The following CACNA2D3 variants were observed in gnomAD, a reference collection of about 807,000 sequenced individuals.
CACNA2D3 encodes voltage-dependent calcium channel subunit alpha-2/delta-3.
In CACNA2D3, 60 loss-of-function variants were observed where a neutral mutation model predicts 160.6. The observed-to-expected ratio is 0.37, with a 90% confidence interval of 0.30 to 0.46. The LOEUF (loss-of-function observed/expected upper bound fraction) is 0.46, where lower values mean the gene tolerates loss of function less well. Ranked by LOEUF, CACNA2D3 falls within the 20% of genes least tolerant of loss-of-function variation. The probability of loss-of-function intolerance (pLI) is 1.00; values close to 1 mark genes in which losing one functional copy is unlikely to be tolerated. For synonymous variants in CACNA2D3, 558 were observed against 492.9 expected (o/e 1.13, Z -1.75); for missense variants, 1,205 against 1,365.0 (o/e 0.88, Z 1.85).
intron 32 of CACNA2D3, among the ~76,000 whole-genome samples, chr3:55,007,284 A>G (rs1703118393): frequency 1.3e-5 from 2 of 152,222 alleles, no homozygotes; most frequent in African/African-American, 2.4e-5. Context: ...TGTAAGTGTG[A>G]GAAAAGACAG....
chr3:54,604,836 C>T (rs1452027248), intron 9 of CACNA2D3, among the ~76,000 whole-genome samples: 3 of 152,206 alleles, frequency 2.0e-5, no homozygotes, highest in Non-Finnish European at 2.9e-5. Context: ...AACATCAGAT[C>T]ACATCCCTTC....
chr3:54,388,777 A>T (rs1699231652), intron 4 of CACNA2D3, among the ~76,000 whole-genome samples: 1 of 152,084 alleles, frequency 6.6e-6, no homozygotes, highest in Non-Finnish European at 1.5e-5. Flanking sequence ...GCCAGAAGGG[A>T]TTTAATGGCA....
At chr3:54,458,736 C>T (rs1434955701) in intron 4 of CACNA2D3, among the ~76,000 whole-genome samples, 1 of 151,642 alleles carries the variant, frequency 6.6e-6, no homozygotes, top group Non-Finnish European at 1.5e-5. Flanking sequence ...ACGTTTTAAA[C>T]TGTTATTTCC....
At chr3:54,389,177 C>G (rs1349730461) in intron 4 of CACNA2D3, among the ~76,000 whole-genome samples, 1 of 151,950 alleles carries the variant, frequency 6.6e-6, no homozygotes, top group Non-Finnish European at 1.5e-5. Context: ...TGCCGGTAAT[C>G]CCAGCTACTC....
intron 27 of CACNA2D3, among the ~76,000 whole-genome samples, chr3:54,921,566 G>A (rs1174531563): frequency 6.6e-6 from 1 of 152,070 alleles, no homozygotes; most frequent in Non-Finnish European, 1.5e-5. Flanking sequence ...CCCACTTTTT[G>A]TGGTCTATTT....
intron 2 of CACNA2D3, among the ~76,000 whole-genome samples, chr3:54,142,164 T>G (rs935784047): frequency 6.6e-6 from 1 of 152,206 alleles, no homozygotes; most frequent in Non-Finnish European, 1.5e-5. Context: ...TTTGTGCTGC[T>G]GTGACCCTTT....
At chr3:54,774,182 GATTC>G (rs772016795) in intron 13 of CACNA2D3, among the ~76,000 whole-genome samples, 18 of 152,160 alleles carry the variant, frequency 1.2e-4, no homozygotes, top group Non-Finnish European at 2.2e-4. Context: ...GGCGTGACTA[GATTC>G]AGGGGTTGTA....
intron 5 of CACNA2D3, among the ~76,000 whole-genome samples, chr3:54,520,294 A>T (rs1701625499): frequency 6.6e-6 from 1 of 152,198 alleles, no homozygotes; most frequent in Non-Finnish European, 1.5e-5. Context: ...CCTGAGAGCC[A>T]AGGGAAGAGT....
intron 11 of CACNA2D3, among the ~76,000 whole-genome samples, chr3:54,711,421 C>T (rs1263899663): frequency 1.3e-5 from 2 of 152,214 alleles, no homozygotes; most frequent in Non-Finnish European, 2.9e-5. Context: ...CCATTCTTAA[C>T]ATGTAAACAA....
intron 13 of CACNA2D3, among the ~76,000 whole-genome samples, chr3:54,785,708 A>G (rs1283903979): frequency 1.3e-5 from 2 of 152,210 alleles, no homozygotes; most frequent in African/African-American, 2.4e-5. Flanking sequence ...GAGAGAGACA[A>G]ATCCACTGAA....
At chr3:54,867,023 T>C (rs901392894) in intron 17 of CACNA2D3, among the ~76,000 whole-genome samples, 3 of 152,338 alleles carry the variant, frequency 2.0e-5, no homozygotes, top group African/African-American at 7.2e-5. Flanking sequence ...TCTCAAAGTA[T>C]CTGTTTATAA....
At chr3:54,790,594 T>A (rs907460813) in intron 13 of CACNA2D3, among the ~76,000 whole-genome samples, 1 of 152,170 alleles carries the variant, frequency 6.6e-6, no homozygotes, top group Non-Finnish European at 1.5e-5. Context: ...GTGCTCGGAA[T>A]TCCTGATGCC....
At chr3:54,659,354 G>A (rs1218788241) in intron 11 of CACNA2D3, among the ~76,000 whole-genome samples, 1 of 152,090 alleles carries the variant, frequency 6.6e-6, no homozygotes, top group Non-Finnish European at 1.5e-5. Context: ...TTTCCTATGA[G>A]CATCACTTCA....
At chr3:54,956,006 A>AG (rs753189872) in intron 27 of CACNA2D3, among the ~76,000 whole-genome samples, 2 of 152,184 alleles carry the variant, frequency 1.3e-5, no homozygotes, top group South Asian at 2.1e-4. Flanking sequence ...AGGAAATGAG[A>AG]GGGAAAAAAG....
intron 11 of CACNA2D3, among the ~76,000 whole-genome samples, chr3:54,667,242 A>G (rs1167627365): frequency 3.9e-5 from 6 of 151,992 alleles, no homozygotes; most frequent in African/African-American, 7.3e-5. Context: ...TTTTTCAAAT[A>G]TAATGTTGGA....
chr3:54,154,558 A>G (rs924394175), intron 2 of CACNA2D3, among the ~76,000 whole-genome samples: 6 of 152,040 alleles, frequency 3.9e-5, no homozygotes, highest in Admixed American at 6.6e-5. Context: ...TGTTTCCCCA[A>G]TTATAGCCAT....
chr3:54,823,480 A>G (rs985338341), intron 14 of CACNA2D3, among the ~76,000 whole-genome samples: 5 of 152,144 alleles, frequency 3.3e-5, no homozygotes, highest in African/African-American at 9.7e-5. Context: ...TCACACTTTC[A>G]GCCTTTGACT....
chr3:54,856,373 G>C (rs946053226), intron 17 of CACNA2D3, among the ~76,000 whole-genome samples: 1 of 152,178 alleles, frequency 6.6e-6, no homozygotes, highest in Non-Finnish European at 1.5e-5. Flanking sequence ...CTTGGGAGCA[G>C]CAGAAGGCCT....
intron 11 of CACNA2D3, among the ~76,000 whole-genome samples, chr3:54,664,417 G>A (rs910821962): frequency 6.6e-6 from 1 of 152,194 alleles, no homozygotes; most frequent in Non-Finnish European, 1.5e-5. Flanking sequence ...TCAGAAATCT[G>A]TTGAACCCTA....
Sources: allele counts gnomAD v4.1 joint callset (sites outside exome capture counted in the v4.1 genomes callset), GRCh38; gene constraint gnomAD v4.1.1; transcripts MANE v1.5; gene names NCBI Gene and HGNC (gene_info 2026-07-23, HGNC 2026-07-21).